Variants in RBFOX1 observed in about 807,000 individuals in gnomAD.
RBFOX1 encodes the protein RNA binding protein fox-1 homolog 1.
Under a neutral mutation model 57.7 loss-of-function variants are expected in RBFOX1, and 8 were observed. The observed-to-expected ratio is 0.14, with a 90% confidence interval of 0.08 to 0.25. The LOEUF is 0.25. RBFOX1 is among the 10% of genes least tolerant of loss of function. RBFOX1 has a pLI of 1.00. For missense variants in RBFOX1, 611 were observed against 548.5 expected, an observed-to-expected ratio of 1.11 and a Z score of -1.14; for synonymous variants, 326 against 222.4, an observed-to-expected ratio of 1.47 and a Z score of -4.15.
At chr16:7,504,724 TATA>T (rs2072256661) in intron 4 of RBFOX1, among the ~76,000 whole-genome samples, 2 of 9,726 alleles carry the variant, frequency 2.1e-4, no homozygotes, top group African/African-American at 7.1e-4. Flanking sequence ...TATATATATA[TATA>T]TATATATATA....
intron 9 of RBFOX1, among the ~76,000 whole-genome samples, chr16:7,605,581 G>C (rs547296376): frequency 2.0e-5 from 3 of 152,182 alleles, no homozygotes; most frequent in Non-Finnish European, 2.9e-5. Context: ...TGGCCTGTCT[G>C]TTGAGTTAGT....
intron 4 of RBFOX1, among the ~76,000 whole-genome samples, chr16:5,956,380 A>G (rs1249746068): frequency 2.0e-5 from 3 of 152,020 alleles, no homozygotes; most frequent in South Asian, 4.2e-4. Flanking sequence ...AATTTGACAG[A>G]TTTATATGAA....
intron 2 of RBFOX1, among the ~76,000 whole-genome samples, chr16:6,602,478 G>C (rs1024097901): frequency 6.6e-6 from 1 of 152,132 alleles, no homozygotes; most frequent in African/African-American, 2.4e-5. Context: ...GCTGGAAGGA[G>C]AGAGGATCAG....
chr16:6,498,856 G>C (rs1488220520), intron 2 of RBFOX1, among the ~76,000 whole-genome samples: 3 of 152,172 alleles, frequency 2.0e-5, no homozygotes, highest in Non-Finnish European at 4.4e-5. Context: ...TAAAAGCCAT[G>C]GCACAGTTAG....
intron 3 of RBFOX1, among the ~76,000 whole-genome samples, chr16:5,656,418 T>C (rs2151378354): frequency 6.6e-6 from 1 of 152,330 alleles, no homozygotes; most frequent in South Asian, 2.1e-4. Context: ...TGGAATAAGT[T>C]GGCATTTTCA....
chr16:6,632,925 C>T (rs997118536), intron 2 of RBFOX1, among the ~76,000 whole-genome samples: 5 of 152,042 alleles, frequency 3.3e-5, no homozygotes, highest in Admixed American at 6.6e-5. Context: ...TGTAAGCCTT[C>T]GAAATAGGTT....
intron 4 of RBFOX1, among the ~76,000 whole-genome samples, chr16:7,240,043 T>C (rs529712847): frequency 6.6e-6 from 1 of 152,312 alleles, no homozygotes; most frequent in African/African-American, 2.4e-5. Flanking sequence ...GTCTGCTCAC[T>C]AGAACATTTG....
intron 4 of RBFOX1, among the ~76,000 whole-genome samples, chr16:7,414,541 C>T (rs184530637): frequency 1.5e-3 from 231 of 152,320 alleles, no homozygotes; most frequent in African/African-American, 5.3e-3. Context: ...GACTTTCCAA[C>T]CAATATAGTA....
At chr16:6,726,233 C>G (rs944701042) in intron 3 of RBFOX1, among the ~76,000 whole-genome samples, 1 of 152,236 alleles carries the variant, frequency 6.6e-6, no homozygotes, top group South Asian at 2.1e-4. Context: ...TTCCTACCCC[C>G]TACCCCAGCA....
chr16:6,701,844 A>G (rs1238566709), intron 3 of RBFOX1, among the ~76,000 whole-genome samples: 2 of 152,144 alleles, frequency 1.3e-5, no homozygotes, highest in Non-Finnish European at 2.9e-5. Context: ...GCAAACTAAC[A>G]TAGGAACAGA....
At chr16:5,391,890 T>TACAC (rs746461930) in intron 1 of RBFOX1, among the ~76,000 whole-genome samples, 4,867 of 147,208 alleles carry the variant, frequency 0.033, 285 homozygotes, top group African/African-American at 0.12. Context: ...TGTGTGTGTA[T>TACAC]ACACACACAC....
At chr16:6,092,433 C>T (rs1372986405) in intron 1 of RBFOX1, 1 of 152,172 alleles carries the variant, frequency 6.6e-6, no homozygotes, top group Non-Finnish European at 1.5e-5. Context: ...TGCTGCAAGT[C>T]CAGCTTAAAG....
chr16:7,029,046 CTATATATA>C (rs1225538161), intron 3 of RBFOX1, among the ~76,000 whole-genome samples: 8 of 45,214 alleles, frequency 1.8e-4, no homozygotes, highest in African/African-American at 4.4e-4. Context: ...AAAAAAAAAG[CTATATATA>C]TATATATATA....
At chr16:5,353,483 G>T (rs1029169569) in intron 1 of RBFOX1, among the ~76,000 whole-genome samples, 11 of 152,186 alleles carry the variant, frequency 7.2e-5, no homozygotes, top group African/African-American at 2.6e-4. Flanking sequence ...AAACAGTCCA[G>T]TTCAGATATT....
At chr16:7,416,108 T>C (rs1409991213) in intron 4 of RBFOX1, among the ~76,000 whole-genome samples, 1 of 152,196 alleles carries the variant, frequency 6.6e-6, no homozygotes, top group Non-Finnish European at 1.5e-5. Context: ...TCTGAAACGA[T>C]TGCTCCCATT....
chr16:6,887,622 C>G (rs752259153), intron 3 of RBFOX1, among the ~76,000 whole-genome samples: 2 of 151,434 alleles, frequency 1.3e-5, no homozygotes, highest in African/African-American at 4.9e-5. Flanking sequence ...GTTAGTAACC[C>G]TAGTTTTAGA....
chr16:5,524,294 G>A (rs2044144962), intron 2 of RBFOX1, among the ~76,000 whole-genome samples: 1 of 152,126 alleles, frequency 6.6e-6, no homozygotes, highest in Admixed American at 6.5e-5. Context: ...AGGAAACCAT[G>A]CTCTGAAACT....
intron 10 of RBFOX1, among the ~76,000 whole-genome samples, chr16:7,628,210 G>C (rs1002539622): frequency 1.3e-5 from 2 of 152,144 alleles, no homozygotes; most frequent in Non-Finnish European, 2.9e-5. Flanking sequence ...CTTCATAGCT[G>C]ATTTTAAGTG....
intron 2 of RBFOX1, among the ~76,000 whole-genome samples, chr16:5,594,807 C>A: frequency 6.6e-6 from 1 of 152,020 alleles, no homozygotes; most frequent in South Asian, 2.1e-4. Context: ...ATTTATTTTA[C>A]TTTTACATGT....
Sources: allele counts gnomAD v4.1 joint callset (sites outside exome capture counted in the v4.1 genomes callset), GRCh38; gene constraint gnomAD v4.1.1; transcripts MANE v1.5; gene names NCBI Gene and HGNC (gene_info 2026-07-23, HGNC 2026-07-21).